Variants in EXOC6B observed in about 807,000 individuals in gnomAD.
EXOC6B encodes the protein exocyst complex component 6B, also known as SEC15 homolog B.
Under a neutral mutation model 113.5 loss-of-function variants are expected in EXOC6B, and 54 were observed. The observed-to-expected ratio is 0.48, with a 90% CI of 0.38 to 0.60. EXOC6B has a LOEUF of 0.60. Ranked by LOEUF, EXOC6B falls within the 20% of genes least tolerant of loss-of-function variation. EXOC6B has a pLI of 0.00. For synonymous variants in EXOC6B, 357 were observed against 339.0 expected (o/e 1.05, Z -0.58); for missense variants, 797 against 977.5 (o/e 0.82, Z 2.46).
chr2:72,754,791 T>A (rs1353994100), intron 1 of EXOC6B, among the ~76,000 whole-genome samples: 5 of 151,160 alleles, frequency 3.3e-5, no homozygotes, highest in African/African-American at 9.7e-5. Flanking sequence ...TTTTTTAAAA[T>A]TTTTTTTTGC....
At position 72,674,747 on chromosome 2, in the gene EXOC6B, C is replaced by A. The variant is rs367701483; in HGVS notation, c.669+43356G>T. 9.4e-4 allele frequency among the ~76,000 whole-genome samples: 142 copies of A among 151,530 alleles called. 3 individuals carry two copies. Among genetic ancestry groups the A allele is most frequent in the Admixed American group, 7.9e-4 (12 of 15,210 alleles). On this transcript the variant is annotated intron_variant, in intron 6 of 21. Coordinates refer to ENST00000272427, the MANE Select transcript of EXOC6B (RefSeq NM_015189.3). ...TCAGGAGGCAGAGCTTGCAGTGAGC[C>A]GAGATGGCACCACTGCACTCCAGCC...
intron 20 of EXOC6B, among the ~76,000 whole-genome samples, chr2:72,305,044 A>T (rs908713720): frequency 6.6e-6 from 1 of 152,210 alleles, no homozygotes; most frequent in Non-Finnish European, 1.5e-5. Flanking sequence ...GAATAACTGC[A>T]AGTCACATTT....
At chr2:72,438,624 G>C (rs529618604) in intron 18 of EXOC6B, among the ~76,000 whole-genome samples, 2 of 151,644 alleles carry the variant, frequency 1.3e-5, no homozygotes, top group Admixed American at 6.6e-5. Context: ...ACTATCTCTC[G>C]AGAAAAAAAA....
At chr2:72,575,374 T>C (rs1316873704) in intron 7 of EXOC6B, 118 bp downstream of exon 7, 6 of 800,208 alleles carry the variant, frequency 7.5e-6, no homozygotes, top group Non-Finnish European at 1.1e-5. Flanking sequence ...TTCAAAATGG[T>C]ATTTGATATT....
chr2:72,331,453 A>G (rs1207566252), intron 20 of EXOC6B, among the ~76,000 whole-genome samples: 1 of 152,148 alleles, frequency 6.6e-6, no homozygotes, highest in Non-Finnish European at 1.5e-5. Context: ...ATAATTCTCA[A>G]TTATGAACCA....
chr2:72,329,417 G>T (rs1259706497), intron 20 of EXOC6B, among the ~76,000 whole-genome samples: 3 of 152,036 alleles, frequency 2.0e-5, no homozygotes, highest in Non-Finnish European at 4.4e-5. Context: ...GGACAGTTTA[G>T]ACTGGTTATG....
At chr2:72,700,237 AACAC>A (rs3034948) in intron 6 of EXOC6B, among the ~76,000 whole-genome samples, 17 of 142,416 alleles carry the variant, frequency 1.2e-4, no homozygotes, top group South Asian at 4.4e-4. Flanking sequence ...AGACCACAGA[AACAC>A]ACACACACAC....
intron 20 of EXOC6B, among the ~76,000 whole-genome samples, chr2:72,238,960 G>A (rs1183953445): frequency 6.6e-6 from 1 of 152,106 alleles, no homozygotes; most frequent in East Asian, 1.9e-4. Context: ...GTGCAGTGGA[G>A]CAATCACAGC....
intron 8 of EXOC6B, among the ~76,000 whole-genome samples, chr2:72,546,378 G>C (rs1702898566): frequency 6.6e-6 from 1 of 152,116 alleles, no homozygotes; most frequent in Non-Finnish European, 1.5e-5. Context: ...GAAATCAGGA[G>C]GCAGAGTGAG....
At chr2:72,320,733 G>A (rs1394269784) in intron 20 of EXOC6B, among the ~76,000 whole-genome samples, 2 of 152,124 alleles carry the variant, frequency 1.3e-5, no homozygotes, top group African/African-American at 2.4e-5. Flanking sequence ...ATAACTGTAT[G>A]TCACTAAAAT....
At chr2:72,696,692 A>G (rs1385958479) in intron 6 of EXOC6B, among the ~76,000 whole-genome samples, 2 of 152,206 alleles carry the variant, frequency 1.3e-5, no homozygotes, top group African/African-American at 2.4e-5. Context: ...CACCATGTGG[A>G]GAACTGAGAT....
intron 17 of EXOC6B, among the ~76,000 whole-genome samples, chr2:72,468,497 C>T (rs1192453868): frequency 6.6e-6 from 1 of 152,168 alleles, no homozygotes. Context: ...TTTTGTTCCA[C>T]TGGTCTGTAT....
At chr2:72,281,962 A>G (rs1337916281) in intron 20 of EXOC6B, among the ~76,000 whole-genome samples, 2 of 152,160 alleles carry the variant, frequency 1.3e-5, no homozygotes, top group Non-Finnish European at 2.9e-5. Flanking sequence ...TTAAAATGAG[A>G]GAAACCAGAA....
intron 1 of EXOC6B, among the ~76,000 whole-genome samples, chr2:72,769,067 C>T (rs1438845280): frequency 6.6e-6 from 1 of 152,134 alleles, no homozygotes; most frequent in Non-Finnish European, 1.5e-5. Flanking sequence ...ATACTTAATG[C>T]CACTGAACTG....
chr2:72,699,261 C>T lies in EXOC6B; in HGVS notation c.669+18842G>A, dbSNP rs371198925. ...TTGGGAAGCCAAGGCGGGTGGATCA[C>T]GAGGTCAGGAGTTCAAGAACAGCCT... On this transcript the variant is annotated intron_variant, in intron 6 of 21. Transcript: ENST00000272427. Among the ~76,000 whole-genome samples, 25 of 152,190 alleles carry T rather than the reference C, an allele frequency of 1.6e-4. 2 individuals are homozygous for T. Among genetic ancestry groups the T allele is most frequent in the African/African-American group, 4.8e-4 (20 of 41,526 alleles).
intron 1 of EXOC6B, among the ~76,000 whole-genome samples, chr2:72,770,129 G>A (rs1438960443): frequency 6.6e-6 from 1 of 151,656 alleles, no homozygotes; most frequent in African/African-American, 2.4e-5. Flanking sequence ...TAGATGACAG[G>A]GAAAACTTCA....
intron 6 of EXOC6B, among the ~76,000 whole-genome samples, chr2:72,659,557 G>T (rs975991690): frequency 1.3e-5 from 2 of 152,122 alleles, no homozygotes; most frequent in African/African-American, 2.4e-5. Context: ...AGGCTTCTAT[G>T]AGGGTTTTGT....
At chr2:72,290,336 C>G (rs1452188865) in intron 20 of EXOC6B, among the ~76,000 whole-genome samples, 2 of 152,128 alleles carry the variant, frequency 1.3e-5, no homozygotes, top group Non-Finnish European at 2.9e-5. Flanking sequence ...CTAATACACT[C>G]ACATATTACC....
At chr2:72,746,215 G>A (rs1374564835) in intron 1 of EXOC6B, among the ~76,000 whole-genome samples, 1 of 151,842 alleles carries the variant, frequency 6.6e-6, no homozygotes, top group Non-Finnish European at 1.5e-5. Context: ...ACAATCTATG[G>A]AATAAACTGC....
Sources: gnomAD v4.1 joint callset for allele counts (sites outside exome capture counted in the v4.1 genomes callset) on GRCh38, gnomAD v4.1.1 for gene constraint, MANE v1.5 for transcripts, NCBI Gene and HGNC (gene_info 2026-07-23, HGNC 2026-07-21) for gene names.